Variants in FGF12 observed in about 807,000 individuals in gnomAD.
FGF12 encodes the protein fibroblast growth factor 12B.
A neutral mutation model predicts 23.6 loss-of-function variants in FGF12; 14 were observed. The observed-to-expected ratio is 0.59, with a 90% confidence interval of 0.39 to 0.93. The LOEUF (loss-of-function observed/expected upper bound fraction) is 0.93. Ranked by LOEUF, FGF12 falls within the 40% of genes least tolerant of loss-of-function variation. The pLI is 0.00. For missense variants in FGF12, 175 were observed against 217.8 expected, an observed-to-expected ratio of 0.80 and a Z score of 1.24; for synonymous variants, 62 against 77.3, an observed-to-expected ratio of 0.80 and a Z score of 1.04.
intron 2 of FGF12, among the ~76,000 whole-genome samples, chr3:192,717,450 G>A (rs996496515): frequency 1.3e-5 from 2 of 152,302 alleles, no homozygotes; most frequent in Non-Finnish European, 2.9e-5. Flanking sequence ...AAAAGACTCA[G>A]TTATCTTTCC....
At chr3:192,423,019 G>C (rs1313216999) in intron 2 of FGF12, among the ~76,000 whole-genome samples, 1 of 152,130 alleles carries the variant, frequency 6.6e-6, no homozygotes, top group Non-Finnish European at 1.5e-5. Context: ...CCAAATACCG[G>C]AAAATCTTCT....
chr3:192,462,841 A>G (rs1480339447), intron 2 of FGF12, among the ~76,000 whole-genome samples: 1 of 152,210 alleles, frequency 6.6e-6, no homozygotes, highest in African/African-American at 2.4e-5. Context: ...TAACTGATTT[A>G]TAATGTAAGA....
At chr3:192,652,289 G>A (rs1019823822) in intron 2 of FGF12, among the ~76,000 whole-genome samples, 1 of 152,164 alleles carries the variant, frequency 6.6e-6, no homozygotes, top group Non-Finnish European at 1.5e-5. Context: ...TGAAGAGGGA[G>A]GAGTATTTCA....
At chr3:192,386,816 G>T (rs1212021599) in intron 2 of FGF12, among the ~76,000 whole-genome samples, 1 of 152,068 alleles carries the variant, frequency 6.6e-6, no homozygotes, top group Non-Finnish European at 1.5e-5. Flanking sequence ...GTAATATAAA[G>T]AACACTGGAA....
intron 2 of FGF12, among the ~76,000 whole-genome samples, chr3:192,612,569 G>A (rs1254841086): frequency 6.6e-6 from 1 of 151,778 alleles, no homozygotes; most frequent in Non-Finnish European, 1.5e-5. Flanking sequence ...TTGCAGAATG[G>A]GAAATGTCAC....
At chr3:192,627,192 C>G (rs1715202295) in intron 2 of FGF12, among the ~76,000 whole-genome samples, 1 of 152,036 alleles carries the variant, frequency 6.6e-6, no homozygotes, top group African/African-American at 2.4e-5. Flanking sequence ...GCATAGGAGT[C>G]AGATATCTAT....
chr3:192,288,269 A>G (rs1714567720), intron 4 of FGF12, among the ~76,000 whole-genome samples: 1 of 152,120 alleles, frequency 6.6e-6, no homozygotes, highest in African/African-American at 2.4e-5. Context: ...CAGCAGGAAC[A>G]AGAGTGATTT....
chr3:192,592,544 A>G (rs1419626010), intron 2 of FGF12, among the ~76,000 whole-genome samples: 2 of 151,796 alleles, frequency 1.3e-5, no homozygotes, highest in Non-Finnish European at 2.9e-5. Context: ...TGCGGGATGC[A>G]TAGGAATTTG....
intron 2 of FGF12, among the ~76,000 whole-genome samples, chr3:192,405,668 T>TAA (rs397687212): frequency 0.02 from 3,021 of 151,192 alleles, 112 homozygotes; most frequent in African/African-American, 0.071. Flanking sequence ...GAATAGTTTT[T>TAA]CTTTTTGGTG....
intron 4 of FGF12, among the ~76,000 whole-genome samples, chr3:192,283,992 A>G (rs1440232510): frequency 6.6e-6 from 1 of 152,078 alleles, no homozygotes; most frequent in Admixed American, 6.6e-5. Flanking sequence ...ACTTACAGAC[A>G]CAGCTTTCTC....
intron 2 of FGF12, among the ~76,000 whole-genome samples, chr3:192,718,921 C>A (rs1332967508): frequency 6.7e-6 from 1 of 149,742 alleles, no homozygotes. Context: ...AGAAAGAATA[C>A]AAACAAGCTT....
intron 4 of FGF12, among the ~76,000 whole-genome samples, chr3:192,211,900 G>A (rs1047295951): frequency 1.3e-5 from 2 of 152,092 alleles, no homozygotes; most frequent in Non-Finnish European, 2.9e-5. Context: ...GCATATTTTA[G>A]AAGAAATAGG....
intron 4 of FGF12, among the ~76,000 whole-genome samples, chr3:192,180,504 C>G (rs1447090590): frequency 6.6e-6 from 1 of 152,132 alleles, no homozygotes; most frequent in Non-Finnish European, 1.5e-5. Flanking sequence ...AAGATATGTG[C>G]TTCTAGTGCC....
chr3:192,329,636 A>C (rs7615391), intron 4 of FGF12, among the ~76,000 whole-genome samples: 11,503 of 152,170 alleles, frequency 0.076, 1,441 homozygotes, highest in African/African-American at 0.26. Flanking sequence ...CCTCTCCTTC[A>C]CCACTCCCAA....
intron 2 of FGF12, among the ~76,000 whole-genome samples, chr3:192,655,605 C>T (rs1336719716): frequency 6.6e-6 from 1 of 152,032 alleles, no homozygotes; most frequent in African/African-American, 2.4e-5. Context: ...TACTAGTTGA[C>T]CCATTTAATC....
At chr3:192,700,842 T>G (rs907207657) in intron 2 of FGF12, among the ~76,000 whole-genome samples, 5 of 152,124 alleles carry the variant, frequency 3.3e-5, no homozygotes, top group Non-Finnish European at 7.4e-5. Context: ...CAAAATAGAC[T>G]CTTTGTAGCA....
At chr3:192,297,443 C>T (rs1715105742) in intron 4 of FGF12, among the ~76,000 whole-genome samples, 1 of 152,074 alleles carries the variant, frequency 6.6e-6, no homozygotes, top group Admixed American at 6.6e-5. Flanking sequence ...TTTTAATTGC[C>T]AATTCACATA....
At chr3:192,387,664 T>C (rs1392323674) in intron 2 of FGF12, among the ~76,000 whole-genome samples, 4 of 151,244 alleles carry the variant, frequency 2.6e-5, no homozygotes, top group East Asian at 3.9e-4. Context: ...CTGGGCAATA[T>C]GGCAAAACCC....
intron 2 of FGF12, among the ~76,000 whole-genome samples, chr3:192,379,758 G>A (rs1719738401): frequency 6.6e-6 from 1 of 152,136 alleles, no homozygotes; most frequent in Non-Finnish European, 1.5e-5. Flanking sequence ...ATACTCTCAG[G>A]AGAAGTCCAC....
Sources: gnomAD v4.1 joint callset for allele counts (sites outside exome capture counted in the v4.1 genomes callset) on GRCh38, gnomAD v4.1.1 for gene constraint, MANE v1.5 for transcripts, NCBI Gene and HGNC (gene_info 2026-07-23, HGNC 2026-07-21) for gene names.